The following MORC1 variants were observed in gnomAD, a reference collection of about 807,000 sequenced individuals.
The protein encoded by MORC1 is MORC family CW-type zinc finger protein 1.
A neutral mutation model predicts 134.9 loss-of-function variants in MORC1; 59 were observed. The ratio of observed to expected loss-of-function variants is 0.44; its 90% CI spans 0.35 to 0.54. The LOEUF is 0.54. Ranked by LOEUF, MORC1 falls within the 20% of genes least tolerant of loss-of-function variation. The pLI, the probability that MORC1 is intolerant of heterozygous loss-of-function variation, is 0.00. For missense variants in MORC1, 947 were observed against 1,134.5 expected, an observed-to-expected ratio of 0.83 and a Z score of 2.37; for synonymous variants, 395 against 391.7, an observed-to-expected ratio of 1.01 and a Z score of -0.10.
intron 10 of MORC1, among the ~76,000 whole-genome samples, chr3:109,062,422 CTTTT>C (rs757502962): frequency 7.2e-6 from 1 of 139,018 alleles, no homozygotes; most frequent in Admixed American, 7.2e-5. Context: ...GAACATCCTT[CTTTT>C]TTTTTTTTTT....
At chr3:109,000,724 C>T in intron 20 of MORC1, 66 bp from the exon 21 acceptor site, 5 of 1,155,900 alleles carry the variant, frequency 4.3e-6, no homozygotes, top group Non-Finnish European at 6.3e-6. Context: ...TACTAAACTA[C>T]CTTCACTCTT....
At chr3:109,016,216 G>A (rs1948813040) in intron 17 of MORC1, among the ~76,000 whole-genome samples, 2 of 152,052 alleles carry the variant, frequency 1.3e-5, no homozygotes, top group African/African-American at 4.8e-5. Flanking sequence ...GATCAGTGAT[G>A]CTTAAACTAT....
In MORC1 at chr3:109,032,840, A is replaced by C. The variant is rs747036336; in HGVS notation, c.1460-15T>G. On this transcript the variant is annotated splice_polypyrimidine_tract_variant and intron_variant, in intron 15 of 27. Coordinates refer to ENST00000232603, the MANE Select transcript of MORC1 (RefSeq NM_014429.4). Reference sequence around the variant, plus strand: ...AAGACAAAGATCTGACAATCAAAACAAAATGACACAGAAAAGAGATCAGAA... The same window carrying C: ...AAGACAAAGATCTGACAATCAAAACCAAATGACACAGAAAAGAGATCAGAA... 6 of 1,447,924 alleles carry C rather than the reference A, an allele frequency of 4.1e-6. No individual in the cohort carries two copies. In the South Asian group the frequency reaches 6.0e-5, roughly 14 times the overall value. 89.7% of individuals were successfully genotyped at this position (1,447,924 alleles called of 1,614,324 possible).
chr3:108,979,398 T>C, intron 24 of MORC1, 117 bp downstream of exon 24: 1 of 1,120,066 alleles, frequency 8.9e-7, no homozygotes, highest in Non-Finnish European at 1.3e-6. Context: ...CAAGTCATAA[T>C]GTCACTCTAC....
At chr3:109,057,509 T>G (rs1425866923) in intron 12 of MORC1, 23 bp from the exon 13 acceptor site, 1 of 1,550,568 alleles carries the variant, frequency 6.4e-7, no homozygotes, top group Non-Finnish European at 8.7e-7. Context: ...TTAAAAAGTT[T>G]AAAAAGTTGT....
intron 14 of MORC1, among the ~76,000 whole-genome samples, chr3:109,047,678 T>G (rs990398014): frequency 1.3e-5 from 2 of 152,174 alleles, no homozygotes; most frequent in African/African-American, 4.8e-5. Context: ...GCAAAATGTC[T>G]ATATCATATT....
At chr3:108,986,981 C>T (rs139295885) in intron 21 of MORC1, 32 bp from the exon 22 acceptor site, 12 of 1,494,414 alleles carry the variant, frequency 8.0e-6, no homozygotes, top group African/African-American at 7.1e-5. Flanking sequence ...TAAAACTGTA[C>T]AAAAACATAG....
chr3:109,115,864 T>C (rs1023178362), intron 1 of MORC1, among the ~76,000 whole-genome samples: 2 of 152,140 alleles, frequency 1.3e-5, no homozygotes, highest in African/African-American at 2.4e-5. Context: ...GCTAACTTCA[T>C]AGTAGTGATG....
At chr3:108,988,391 A>G (rs1947952641) in intron 21 of MORC1, among the ~76,000 whole-genome samples, 1 of 152,232 alleles carries the variant, frequency 6.6e-6, no homozygotes, top group Non-Finnish European at 1.5e-5. Flanking sequence ...AGGAAATAAT[A>G]AACATGCATA....
chr3:108,993,231 G>A (rs1424801667), intron 21 of MORC1, among the ~76,000 whole-genome samples: 12 of 152,038 alleles, frequency 7.9e-5, no homozygotes, highest in Non-Finnish European at 1.8e-4. Flanking sequence ...CTTTTTTGGT[G>A]TCCCTCAAAA....
At chr3:109,090,647 A>T (rs944342135) in intron 8 of MORC1, among the ~76,000 whole-genome samples, 2 of 148,384 alleles carry the variant, frequency 1.3e-5, no homozygotes, top group Non-Finnish European at 3.0e-5. Flanking sequence ...AAAAAACACG[A>T]TGTCAAATGT....
intron 4 of MORC1, among the ~76,000 whole-genome samples, chr3:109,103,618 T>C (rs920765453): frequency 6.6e-6 from 1 of 152,238 alleles, no homozygotes; most frequent in African/African-American, 2.4e-5. Context: ...GCCTTTCATT[T>C]TTCTGACAAT....
intron 24 of MORC1, among the ~76,000 whole-genome samples, chr3:108,971,725 T>C (rs1269800652): frequency 1.3e-5 from 2 of 150,170 alleles, no homozygotes; most frequent in African/African-American, 4.9e-5. Context: ...AGGTGAAGGG[T>C]ACAGGGGATC....
At chr3:109,003,401 A>G (rs999066266) in intron 20 of MORC1, among the ~76,000 whole-genome samples, 2 of 146,628 alleles carry the variant, frequency 1.4e-5, no homozygotes, top group African/African-American at 5.2e-5. Flanking sequence ...GCACACACAC[A>G]CACACACACA....
chr3:108,998,431 T>C (rs1045198906), intron 21 of MORC1, among the ~76,000 whole-genome samples: 1 of 152,120 alleles, frequency 6.6e-6, no homozygotes, highest in Non-Finnish European at 1.5e-5. Flanking sequence ...GCCAAAATAA[T>C]AAATACCACC....
At chr3:108,970,571 CAT>C (rs1456109237) in intron 25 of MORC1, among the ~76,000 whole-genome samples, 2 of 152,222 alleles carry the variant, frequency 1.3e-5, no homozygotes, top group Non-Finnish European at 2.9e-5. Context: ...AGATCAGACT[CAT>C]ATAGTCCCTC....
chr3:109,063,061 C>A, intron 10 of MORC1, 91 bp downstream of exon 10: 1 of 928,814 alleles, frequency 1.1e-6, no homozygotes. Flanking sequence ...TCCTACAATG[C>A]CTAGAGCAAT....
chr3:109,047,383 C>A (rs2121808), intron 14 of MORC1, among the ~76,000 whole-genome samples: 1 of 152,016 alleles, frequency 6.6e-6, no homozygotes, highest in East Asian at 1.9e-4. Flanking sequence ...TGCAATACGG[C>A]TGAGATCCTC....
intron 17 of MORC1, among the ~76,000 whole-genome samples, chr3:109,016,765 G>A (rs1948824338): frequency 1.3e-5 from 2 of 152,180 alleles, no homozygotes; most frequent in Admixed American, 1.3e-4. Flanking sequence ...TGGGGAAGCT[G>A]AGGCAGGAGA....
Sources: gnomAD v4.1 joint callset for allele counts (sites outside exome capture counted in the v4.1 genomes callset) on GRCh38, gnomAD v4.1.1 for gene constraint, MANE v1.5 for transcripts, NCBI Gene and HGNC (gene_info 2026-07-23, HGNC 2026-07-21) for gene names.